The following ASTN2 variants were observed in gnomAD, a reference collection of about 807,000 sequenced individuals.
ASTN2 encodes the protein astrotactin 2, also known as astrotactin-2.
In ASTN2, 54 loss-of-function variants were observed where a neutral mutation model predicts 139.8. The ratio of observed to expected loss-of-function variants is 0.39; its 90% confidence interval spans 0.31 to 0.48. The LOEUF is 0.48. ASTN2 is among the 20% of genes least tolerant of loss of function. The pLI, the probability that ASTN2 is intolerant of heterozygous loss-of-function variation, is 0.95. For synonymous variants in ASTN2, 756 were observed against 719.5 expected (o/e 1.05, Z -0.81); for missense variants, 1,565 against 1,725.1 (o/e 0.91, Z 1.64).
At chr9:117,249,703 T>C (rs1833484372) in intron 2 of ASTN2, among the ~76,000 whole-genome samples, 1 of 151,466 alleles carries the variant, frequency 6.6e-6, no homozygotes, top group South Asian at 2.1e-4. Flanking sequence ...CTTTTTTTTT[T>C]TTAACTTTAA....
chr9:116,622,162 A>G (rs1856192004), intron 17 of ASTN2, among the ~76,000 whole-genome samples: 1 of 152,184 alleles, frequency 6.6e-6, no homozygotes, highest in Admixed American at 6.5e-5. Context: ...ACTCAAGTAG[A>G]ACATGTTTGT....
chr9:117,404,660 A>C (rs1830929506), intron 1 of ASTN2, among the ~76,000 whole-genome samples: 1 of 152,218 alleles, frequency 6.6e-6, no homozygotes, highest in Non-Finnish European at 1.5e-5. Flanking sequence ...AAGGTTGAGC[A>C]GGAGTGAGAA....
At chr9:117,240,698 G>T (rs989275293) in intron 2 of ASTN2, among the ~76,000 whole-genome samples, 1 of 152,264 alleles carries the variant, frequency 6.6e-6, no homozygotes, top group Middle Eastern at 3.4e-3. Context: ...TCAGCTATGT[G>T]GGCCAGTTTT....
intron 16 of ASTN2, among the ~76,000 whole-genome samples, chr9:116,687,916 G>A (rs1373976245): frequency 6.6e-6 from 1 of 151,964 alleles, no homozygotes; most frequent in African/African-American, 2.4e-5. Flanking sequence ...GTGAGATTGA[G>A]GGGGTGGGGT....
intron 10 of ASTN2, among the ~76,000 whole-genome samples, chr9:116,884,680 C>T (rs116692359): frequency 0.028 from 4,245 of 151,806 alleles, 228 homozygotes; most frequent in African/African-American, 0.098. Flanking sequence ...TCAAACAAAA[C>T]CTCCTCTTCT....
chr9:116,784,040 G>A (rs562485293), intron 13 of ASTN2, among the ~76,000 whole-genome samples: 30 of 152,250 alleles, frequency 2.0e-4, no homozygotes, highest in African/African-American at 7.0e-4. Flanking sequence ...GAAAAAAATA[G>A]TATGAGGACC....
intron 16 of ASTN2, chr9:116,697,510 A>T (rs1860922582): frequency 3.7e-6 from 2 of 547,072 alleles, no homozygotes; most frequent in South Asian, 4.2e-5. Context: ...CCTATCTGTC[A>T]CCCTCACGTG....
chr9:117,050,928 C>A (rs1455312819), intron 5 of ASTN2, among the ~76,000 whole-genome samples: 1 of 152,178 alleles, frequency 6.6e-6, no homozygotes, highest in Non-Finnish European at 1.5e-5. Flanking sequence ...TTCCCCTCCC[C>A]CATATGTTGT....
At chr9:116,981,638 C>T (rs1836515598) in intron 7 of ASTN2, among the ~76,000 whole-genome samples, 1 of 152,218 alleles carries the variant, frequency 6.6e-6, no homozygotes, top group Non-Finnish European at 1.5e-5. Flanking sequence ...TGTCCTTTTG[C>T]TGCATTGGTG....
chr9:116,828,934 T>G (rs1210070517), intron 11 of ASTN2, among the ~76,000 whole-genome samples: 2 of 152,012 alleles, frequency 1.3e-5, no homozygotes, highest in Non-Finnish European at 2.9e-5. Context: ...AAATAAAATA[T>G]CTAGGAATAT....
chr9:117,260,940 A>G (rs1279921507), intron 2 of ASTN2, among the ~76,000 whole-genome samples: 2 of 152,224 alleles, frequency 1.3e-5, no homozygotes, highest in Non-Finnish European at 2.9e-5. Context: ...CAAATACTCC[A>G]TAACTCTTTT....
At chr9:117,166,863 C>T (rs1052716748) in intron 3 of ASTN2, among the ~76,000 whole-genome samples, 1 of 152,110 alleles carries the variant, frequency 6.6e-6, no homozygotes, top group Non-Finnish European at 1.5e-5. Context: ...AGGAATGCAA[C>T]ATGATGTTTG....
chr9:117,413,856 A>G (rs901715340), intron 1 of ASTN2, among the ~76,000 whole-genome samples: 1 of 151,890 alleles, frequency 6.6e-6, no homozygotes, highest in African/African-American at 2.4e-5. Flanking sequence ...GAGACCTCGG[A>G]GTCGGAATCC....
rs139895853 is a variant in ASTN2 at position 116,993,546 on chromosome 9, T to A, written c.1591+14546A>T. ...ACTATAATTTTATTACTATATATAGTATATACAGCAATACAATTTCATTAC... is the reference window on the plus strand; with the variant it reads ...ACTATAATTTTATTACTATATATAGAATATACAGCAATACAATTTCATTAC... On this transcript the variant is annotated intron_variant, in intron 7 of 22. Transcript: ENST00000313400. 4.6e-3 allele frequency among the ~76,000 whole-genome samples: 693 copies of A among 151,144 alleles called. 4 individuals carry two copies. The highest frequency in any genetic ancestry group is 0.015 in the African/African-American group (635 of 41,274).
chr9:116,681,018 G>C (rs1196372074), intron 16 of ASTN2, among the ~76,000 whole-genome samples: 1 of 152,104 alleles, frequency 6.6e-6, no homozygotes, highest in Non-Finnish European at 1.5e-5. Flanking sequence ...TGGAAGTTCT[G>C]GCCAGGGCAA....
chr9:116,548,326 T>C (rs1852194151), intron 19 of ASTN2, among the ~76,000 whole-genome samples: 1 of 152,188 alleles, frequency 6.6e-6, no homozygotes, highest in African/African-American at 2.4e-5. Flanking sequence ...CTGTACTGAC[T>C]CACAGCATGA....
intron 7 of ASTN2, among the ~76,000 whole-genome samples, chr9:116,982,280 C>T (rs889934221): frequency 6.6e-6 from 1 of 152,162 alleles, no homozygotes; most frequent in African/African-American, 2.4e-5. Flanking sequence ...GTTTCCTTTA[C>T]CTATAATGGA....
chr9:116,769,420 C>A (rs1483691849), intron 13 of ASTN2, among the ~76,000 whole-genome samples: 1 of 152,078 alleles, frequency 6.6e-6, no homozygotes, highest in East Asian at 1.9e-4. Context: ...GCATAGATTT[C>A]TCTTTCTAGA....
At chr9:116,834,330 G>A (rs947992876) in intron 11 of ASTN2, among the ~76,000 whole-genome samples, 3 of 152,152 alleles carry the variant, frequency 2.0e-5, no homozygotes, top group Non-Finnish European at 4.4e-5. Flanking sequence ...GTGTTATTGA[G>A]TCCTTCTATA....
Sources: allele counts gnomAD v4.1 joint callset (sites outside exome capture counted in the v4.1 genomes callset), GRCh38; gene constraint gnomAD v4.1.1; transcripts MANE v1.5; gene names NCBI Gene and HGNC (gene_info 2026-07-23, HGNC 2026-07-21).